PRDX4: variants seen among roughly 807,000 people sequenced by gnomAD.
PRDX4 encodes peroxiredoxin 4, also known as peroxiredoxin-4.
In PRDX4, 12 loss-of-function variants were observed where a neutral mutation model predicts 20.5. The observed-to-expected ratio is 0.58, with a 90% CI of 0.37 to 0.95. PRDX4 has a LOEUF of 0.95. PRDX4 is among the 40% of genes least tolerant of loss of function. The pLI is 0.01. For synonymous variants in PRDX4, 99 were observed against 87.5 expected (o/e 1.13, Z -0.73); for missense variants, 180 against 207.3 (o/e 0.87, Z 0.81).
intron 6 of PRDX4, 121 bp downstream of exon 6, chrX:23,683,826 C>A: frequency 2.1e-6 from 1 of 481,875 alleles, no homozygotes; most frequent in Non-Finnish European, 3.2e-6. Context: ...GGGCAGATCA[C>A]GAGGTCAGGA....
rs1209312669 is a variant in PRDX4 at position 23,675,242 on chromosome X, T to TA, written c.476+137dup. The TA allele has an allele frequency of 1.6e-5, 17 of 1,058,715 alleles. No homozygotes were observed. The African/African-American group carries it at 3.2e-4, about 20-fold the overall frequency. 87.2% of individuals were successfully genotyped at this position (1,058,715 alleles called of 1,213,427 possible). ...CAGGAATAGCTTTATCTAAGAGTAA[T>TA]ACATGTAACTACACATTTTCCAGGT... On this transcript the variant is annotated intron_variant, in intron 3 of 6. Coordinates refer to ENST00000379341, the MANE Select transcript of PRDX4 (RefSeq NM_006406.2).
intron 1 of PRDX4, among the ~76,000 whole-genome samples, chrX:23,670,622 A>G (rs940143887): frequency 6.2e-5 from 7 of 112,275 alleles, no homozygotes; most frequent in Admixed American, 9.5e-5. Flanking sequence ...GAATGTGTTA[A>G]CAGAGCATGA....
rs772586177 is a variant in PRDX4, at chrX:23,667,611, A to G, written c.41A>G (p.His14Arg). The G allele has an allele frequency of 1.1e-5, 13 of 1,192,405 alleles. No individual in the cohort carries two copies. The African/African-American group carries it at 2.1e-4, about 19-fold the overall frequency. Residue 14 changes from histidine to arginine, a missense_variant, in exon 1 of 7, where the codon CAC (histidine) becomes CGC (arginine). By Grantham distance (29) the His-to-Arg change is conservative. This residue lies in a region of PRDX4 where 105 missense variants were observed against 114.2 expected (regional missense o/e 0.92). Coordinates refer to ENST00000379341, the MANE Select transcript of PRDX4 (RefSeq NM_006406.2). ...CTGCTAGCCGCGACAACTCCGGACC[A>G]CGGCCGCCACCGAAGGCTGCTTCTG... ...LPLLAATTPDHGRHRRLLLLP... is the reference protein window; with the variant it reads ...LPLLAATTPDRGRHRRLLLLP...
chrX:23,671,682 G>T, intron 2 of PRDX4, 36 bp downstream of exon 2: 7 of 999,455 alleles, frequency 7.0e-6, no homozygotes, highest in Non-Finnish European at 9.6e-6. Flanking sequence ...TAAAATCTCA[G>T]TCTTTATCAA....
At position 23,674,878 on chromosome X, in the gene PRDX4, G is replaced by C. The variant is rs988000039; in HGVS notation, c.360-112G>C. ...TTTGAAAAGGTTCAAATATAAAATTGTTCTTAATGTGCATTTTTATTATTA... is the reference window on the plus strand; with the variant it reads ...TTTGAAAAGGTTCAAATATAAAATTCTTCTTAATGTGCATTTTTATTATTA... On this transcript the variant is annotated intron_variant, in intron 2 of 6. Coordinates refer to ENST00000379341, the MANE Select transcript of PRDX4 (RefSeq NM_006406.2). The C allele has an allele frequency of 8.1e-6, 8 of 986,911 alleles. No homozygotes were observed. In the Admixed American group the frequency reaches 2.6e-4, roughly 32 times the overall value. The allele number at this position is 986,911 out of a possible 1,213,427, so 81.3% of individuals were successfully genotyped here. A position where few individuals can be genotyped will look rare whatever the true frequency, so the allele number is the denominator to read the frequency against.
intron 5 of PRDX4, among the ~76,000 whole-genome samples, chrX:23,683,416 T>C (rs1162897493): frequency 1.8e-5 from 2 of 111,630 alleles, no homozygotes; most frequent in East Asian, 2.8e-4. Context: ...GGCAATCAAT[T>C]TGATTTCTTA....
Position 23,686,278 on chromosome X carries a change from T to G in PRDX4, c.766-7T>G, listed in dbSNP as rs188252811. ...AATAATTTCCTTTCTTCGTTTTGTT[T>G]TAACAGATAATCCCAGATCCAGCTG... On this transcript the variant is annotated splice_region_variant and splice_polypyrimidine_tract_variant and intron_variant, in intron 6 of 6. Transcript: ENST00000379341. 2,899 of 1,170,462 alleles carry G rather than the reference T, an allele frequency of 2.5e-3. 3 individuals are homozygous for G. The highest frequency in any genetic ancestry group is 3.1e-3 in the Non-Finnish European group (2,693 of 871,649).
intron 6 of PRDX4, among the ~76,000 whole-genome samples, chrX:23,685,469 T>C (rs1236912265): frequency 8.9e-6 from 1 of 111,996 alleles, no homozygotes; most frequent in African/African-American, 3.2e-5. Context: ...AAAGTACCTT[T>C]AATGTGTAAT....
At chrX:23,685,827 T>G (rs757114407) in intron 6 of PRDX4, among the ~76,000 whole-genome samples, 2 of 109,553 alleles carry the variant, frequency 1.8e-5, no homozygotes, top group South Asian at 7.8e-4. Flanking sequence ...TTTTGTTTTT[T>G]TTTTTTTACT....
At chrX:23,668,916 C>CT (rs67936153) in intron 1 of PRDX4, among the ~76,000 whole-genome samples, 47 of 102,020 alleles carry the variant, frequency 4.6e-4, no homozygotes, top group African/African-American at 4.7e-4. Flanking sequence ...CACTTTGGGA[C>CT]TTTTTTTTTT....
rs758471878 is a variant in PRDX4, at chrX:23,683,334, T to A, written c.731-337T>A. Among the ~76,000 whole-genome samples, 6 of 111,783 alleles carry A rather than the reference T, an allele frequency of 5.4e-5. No homozygotes were observed. The East Asian group carries it at 1.4e-3, about 26-fold the overall frequency. On this transcript the variant is annotated intron_variant, in intron 5 of 6. Coordinates refer to ENST00000379341, the MANE Select transcript of PRDX4 (RefSeq NM_006406.2). The stretch of plus-strand genomic sequence containing the variant: ...CAAGCGTACTGGAAGTTTATGTAAA[T>A]TTGGAGGAATTTTTGCCATGCCCAG...
At chrX:23,679,667 CAG>C (rs1190926747) in intron 4 of PRDX4, among the ~76,000 whole-genome samples, 5 of 96,142 alleles carry the variant, frequency 5.2e-5, no homozygotes, top group Admixed American at 1.2e-4. Flanking sequence ...GCCTGGGCGA[CAG>C]AGTGAAAAAA....
In PRDX4 at chrX:23,667,529, C is replaced by T. The variant is rs997781410; in HGVS notation, c.-42C>T. The T allele has an allele frequency of 2.4e-5, 27 of 1,133,402 alleles. No homozygotes were observed. The highest frequency in any genetic ancestry group is 2.8e-5 in the Non-Finnish European group (24 of 859,036). 93.4% of individuals were successfully genotyped at this position (1,133,402 alleles called of 1,213,427 possible). On this transcript the variant is annotated 5_prime_UTR_variant, in exon 1 of 7. Transcript: ENST00000379341. ...TGTAGCTGCCCGGCGGCGGCAGAAG[C>T]GGCGCTCGCGCCAAGGGACGTGTTT...
At chrX:23,685,271 CAG>C (rs1489011791) in intron 6 of PRDX4, among the ~76,000 whole-genome samples, 1 of 112,158 alleles carries the variant, frequency 8.9e-6, no homozygotes, top group African/African-American at 3.2e-5. Flanking sequence ...TCATCAGTCA[CAG>C]AGGGTTTTGC....
chrX:23,684,756 C>A (rs917744782), intron 6 of PRDX4, among the ~76,000 whole-genome samples: 2 of 111,149 alleles, frequency 1.8e-5, no homozygotes, highest in African/African-American at 6.5e-5. Context: ...CCCACCTCAG[C>A]CTCCCAAAGT....
At position 23,682,807 on chromosome X, in the gene PRDX4, C is replaced by A. The variant is rs773320369; in HGVS notation, c.730+281C>A. On this transcript the variant is annotated intron_variant, in intron 5 of 6. Transcript: ENST00000379341. Reference sequence around the variant, plus strand: ...ACCAGCCTGGGCAACCCAGTGAAACCTCACCTCTACTAAAAATCAAAAAAA... The same window carrying A: ...ACCAGCCTGGGCAACCCAGTGAAACATCACCTCTACTAAAAATCAAAAAAA... Among the ~76,000 whole-genome samples, 7 of 65,968 alleles carry A rather than the reference C, an allele frequency of 1.1e-4. No individual in the cohort carries two copies. In the East Asian group the frequency reaches 3.2e-3, roughly 31 times the overall value. The allele number at this position is 65,968 out of a possible 115,157, so 57.3% of individuals were successfully genotyped here. A position where few individuals can be genotyped will look rare whatever the true frequency, so the allele number is the denominator to read the frequency against.
chrX:23,683,461 T>C (rs185370257), intron 5 of PRDX4, among the ~76,000 whole-genome samples: 25 of 111,489 alleles, frequency 2.2e-4, no homozygotes, highest in African/African-American at 7.8e-4. Context: ...TTGGTAAAAA[T>C]GAAAATAGAT....
chrX:23,676,293 TTTAA>T (rs1234193739), intron 3 of PRDX4, among the ~76,000 whole-genome samples: 2 of 111,429 alleles, frequency 1.8e-5, no homozygotes, highest in Admixed American at 9.6e-5. Context: ...TGAGCTACAA[TTTAA>T]TTAATTACAT....
intron 4 of PRDX4, 54 bp downstream of exon 4, chrX:23,679,341 CT>C: frequency 9.3e-7 from 1 of 1,077,711 alleles, no homozygotes; most frequent in Non-Finnish European, 1.2e-6. Flanking sequence ...TATAATCCTC[CT>C]TGAAATAGAT....
Sources: gnomAD v4.1 joint callset for allele counts (sites outside exome capture counted in the v4.1 genomes callset) on GRCh38, gnomAD v4.1.1 for gene constraint, gnomAD v4.1.1 regional missense constraint, MANE v1.5 for transcripts, NCBI Gene and HGNC (gene_info 2026-07-23, HGNC 2026-07-21) for gene names.